Variants in KIAA1217 observed in about 807,000 individuals in gnomAD.
KIAA1217 encodes KIAA1217.
A neutral mutation model predicts 163.9 loss-of-function variants in KIAA1217; 88 were observed. The observed-to-expected ratio is 0.54, with a 90% CI of 0.45 to 0.64. KIAA1217 has a LOEUF of 0.64. Ranked by LOEUF, KIAA1217 falls within the 30% of genes least tolerant of loss-of-function variation. The pLI is 0.00. For missense variants in KIAA1217, 2,372 were observed against 2,475.0 expected (o/e 0.96, Z 0.88); for synonymous variants, 903 against 923.1 (o/e 0.98, Z 0.39).
chr10:24,451,677 C>T (rs188009948), intron 5 of KIAA1217, among the ~76,000 whole-genome samples: 57 of 152,280 alleles, frequency 3.7e-4, no homozygotes, highest in African/African-American at 1.3e-3. Flanking sequence ...GGTTAGCTCC[C>T]GAAGAGTTCT....
At chr10:24,245,885 A>C (rs1046429627) in intron 2 of KIAA1217, among the ~76,000 whole-genome samples, 14 of 150,976 alleles carry the variant, frequency 9.3e-5, no homozygotes, top group Non-Finnish European at 2.1e-4. Flanking sequence ...CAATCCTCCC[A>C]CTTTAGTCTC....
chr10:24,364,258 C>T (rs1418628091), intron 2 of KIAA1217, among the ~76,000 whole-genome samples: 2 of 152,248 alleles, frequency 1.3e-5, no homozygotes, highest in African/African-American at 2.4e-5. Flanking sequence ...GGATTACAGG[C>T]GTGAGCCACC....
intron 3 of KIAA1217, among the ~76,000 whole-genome samples, chr10:24,421,009 GTTTGT>G (rs918196717): frequency 3.8e-4 from 57 of 151,970 alleles, no homozygotes; most frequent in African/African-American, 1.3e-3. Context: ...TTGTTTGTTT[GTTTGT>G]TTTGTTTTGA....
At chr10:23,760,262 G>A (rs765163724) in intron 1 of KIAA1217, among the ~76,000 whole-genome samples, 14 of 152,176 alleles carry the variant, frequency 9.2e-5, no homozygotes, top group Non-Finnish European at 1.8e-4. Context: ...CATATGAAGG[G>A]TGTGAGGATG....
chr10:23,866,091 A>G (rs1453306970), intron 1 of KIAA1217, among the ~76,000 whole-genome samples: 1 of 152,154 alleles, frequency 6.6e-6, no homozygotes, highest in East Asian at 1.9e-4. Flanking sequence ...ACATCAAATT[A>G]TTTCACACAC....
chr10:23,993,553 C>CTTTTTGTTTTTTTTTTTTTTTTTTTTT (rs1846318991), intron 1 of KIAA1217, among the ~76,000 whole-genome samples: 1 of 68,956 alleles, frequency 1.5e-5, no homozygotes, highest in African/African-American at 8.4e-5. Context: ...CATAGCCCAG[C>CTTTTTGTTTTTTTTTTTTTTTTTTTTT]TTTTTTTTTT....
chr10:24,327,135 T>C (rs1044277907), intron 2 of KIAA1217, among the ~76,000 whole-genome samples: 3 of 152,262 alleles, frequency 2.0e-5, no homozygotes, highest in Admixed American at 2.0e-4. Flanking sequence ...TGCTGCAGTC[T>C]TCTAAATTGG....
chr10:24,145,205 G>T (rs185392049), intron 2 of KIAA1217, among the ~76,000 whole-genome samples: 1 of 152,226 alleles, frequency 6.6e-6, no homozygotes, highest in African/African-American at 2.4e-5. Flanking sequence ...CCCATTTCCC[G>T]CGGTCACACA....
chr10:23,994,508 T>C (rs1438390991), intron 1 of KIAA1217, among the ~76,000 whole-genome samples: 3 of 151,924 alleles, frequency 2.0e-5, no homozygotes, highest in African/African-American at 7.3e-5. Flanking sequence ...AGGTCAAGCT[T>C]TGGAGAAATG....
rs1249402141 is a variant in KIAA1217, at chr10:23,811,013, A to C, written c.-321+115779A>C. Among the ~76,000 whole-genome samples, 26 of 125,102 alleles carry C rather than the reference A, an allele frequency of 2.1e-4. 1 individual carries two copies. The highest frequency in any genetic ancestry group is 8.1e-4 in the African/African-American group (26 of 32,246). 82.1% of individuals were successfully genotyped at this position (125,102 alleles called of 152,430 possible). A position where few individuals can be genotyped will look rare whatever the true frequency, so the allele number is the denominator to read the frequency against. On this transcript the variant is annotated intron_variant, in intron 1 of 18. Transcript: ENST00000376462. ...TATACTATATTATTATACTATATAG[A>C]GTATATATACTATATGATATGTATA...
intron 1 of KIAA1217, among the ~76,000 whole-genome samples, chr10:23,775,499 C>T (rs143052991): frequency 5.0e-4 from 76 of 152,206 alleles, no homozygotes; most frequent in Admixed American, 2.2e-3. Context: ...AGTGTGCACC[C>T]GGCACTGAGA....
intron 2 of KIAA1217, among the ~76,000 whole-genome samples, chr10:24,231,890 C>T (rs1181428611): frequency 2.0e-5 from 3 of 151,924 alleles, no homozygotes; most frequent in Non-Finnish European, 2.9e-5. Flanking sequence ...CCTCCACCTC[C>T]GGGGTTCAGC....
chr10:24,110,706 T>C (rs2062813977), intron 2 of KIAA1217, among the ~76,000 whole-genome samples: 1 of 152,200 alleles, frequency 6.6e-6, no homozygotes, highest in Admixed American at 6.5e-5. Context: ...AACTCATTAA[T>C]AAATGTGAAA....
At chr10:24,476,831 C>T (rs2064100246) in intron 6 of KIAA1217, among the ~76,000 whole-genome samples, 1 of 151,908 alleles carries the variant, frequency 6.6e-6, no homozygotes, top group African/African-American at 2.4e-5. Context: ...CACAGAGACA[C>T]ACACATACCA....
intron 1 of KIAA1217, among the ~76,000 whole-genome samples, chr10:23,957,685 G>T (rs974273690): frequency 3.3e-5 from 5 of 152,142 alleles, no homozygotes; most frequent in African/African-American, 9.7e-5. Flanking sequence ...TCGGGCCACT[G>T]CACTCCAGTC....
intron 2 of KIAA1217, among the ~76,000 whole-genome samples, chr10:24,057,563 T>C (rs1402876334): frequency 6.6e-6 from 1 of 152,224 alleles, no homozygotes; most frequent in Non-Finnish European, 1.5e-5. Flanking sequence ...CTTAGCATAA[T>C]GTCCTCAAGT....
intron 1 of KIAA1217, among the ~76,000 whole-genome samples, chr10:23,774,283 T>C (rs1004119022): frequency 2.0e-5 from 3 of 152,230 alleles, no homozygotes; most frequent in Admixed American, 6.5e-5. Context: ...GTGAAAGGAC[T>C]GGCGAAAGAG....
rs368153997 is a variant in KIAA1217 at position 24,212,976 on chromosome 10, T to A, written c.70+3713T>A. ...CTATAGATAAGGATCCCTAGGGTGA[T>A]CATGTAACTTACTGTCCAAATGAGA... On this transcript the variant is annotated intron_variant, in intron 1 of 20. Coordinates refer to ENST00000376454, the MANE Select transcript of KIAA1217 (RefSeq NM_019590.5). 2.1e-4 allele frequency among the ~76,000 whole-genome samples: 32 copies of A among 152,268 alleles called. 3 individuals are homozygous for A. The highest frequency in any genetic ancestry group is 1.7e-3 in the South Asian group (8 of 4,818).
At chr10:24,245,634 C>T (rs895205130) in intron 2 of KIAA1217, among the ~76,000 whole-genome samples, 12 of 151,912 alleles carry the variant, frequency 7.9e-5, no homozygotes, top group African/African-American at 1.4e-4. Context: ...TCCCCTTCCC[C>T]TTCCTTTTCC....
Sources: allele counts gnomAD v4.1 joint callset (sites outside exome capture counted in the v4.1 genomes callset), GRCh38; gene constraint gnomAD v4.1.1; transcripts MANE v1.5; gene names NCBI Gene and HGNC (gene_info 2026-07-23, HGNC 2026-07-21).